OPCML: variants seen among roughly 807,000 people sequenced by gnomAD.
OPCML encodes opioid binding protein/cell adhesion molecule like, also known as opioid-binding protein/cell adhesion molecule.
Under a neutral mutation model 37.8 loss-of-function variants are expected in OPCML, and 13 were observed. That is an observed-to-expected ratio of 0.34 (90% CI 0.22 to 0.55). The LOEUF is 0.55. OPCML is among the 20% of genes least tolerant of loss of function. The pLI is 0.91. For missense variants in OPCML, 341 were observed against 435.6 expected (o/e 0.78, Z 1.93); for synonymous variants, 176 against 168.8 (o/e 1.04, Z -0.33).
chr11:133,140,763 CGAAGAA>C (rs5795825), intron 1 of OPCML, among the ~76,000 whole-genome samples: 5,157 of 48,874 alleles, frequency 0.11, 370 homozygotes, highest in African/African-American at 0.17. Flanking sequence ...AAGAAGACGA[CGAAGAA>C]GAAGAAGAAG....
chr11:132,438,844 TC>T (rs2096022214), intron 4 of OPCML, among the ~76,000 whole-genome samples: 1 of 151,976 alleles, frequency 6.6e-6, no homozygotes, highest in Non-Finnish European at 1.5e-5. Flanking sequence ...CTGCTCCAAG[TC>T]TAAGCCTTGG....
intron 1 of OPCML, among the ~76,000 whole-genome samples, chr11:133,390,419 C>T (rs549049175): frequency 6.0e-4 from 91 of 152,192 alleles, no homozygotes; most frequent in Non-Finnish European, 1.1e-3. Flanking sequence ...GCCGAGATCG[C>T]GCCACTGCAC....
intron 2 of OPCML, among the ~76,000 whole-genome samples, chr11:132,711,155 G>A (rs1273969403): frequency 6.6e-6 from 1 of 152,172 alleles, no homozygotes; most frequent in Non-Finnish European, 1.5e-5. Context: ...AACATCAGAG[G>A]AGTAGCCTAA....
rs1459495314 is a variant in OPCML at position 133,208,524 on chromosome 11, G to A, written c.62-265514C>T. ...AAAGTGCAATGAAGTATGTCAGTAG[G>A]GCATCGTAAATATAATTCCAATGCT... is the stretch of plus-strand genomic sequence containing the variant. On this transcript the variant is annotated intron_variant, in intron 1 of 7. Coordinates refer to ENST00000524381, the MANE Select transcript of OPCML (RefSeq NM_001012393.5). This position sits in a 1 kb window ranked among gnomAD's most constrained non-coding sequence, Gnocchi z 8.9. Among the ~76,000 whole-genome samples, 3 of 152,120 alleles carry A rather than the reference G, an allele frequency of 2.0e-5. No homozygotes were observed. Among genetic ancestry groups the A allele is most frequent in the Non-Finnish European group, 4.4e-5 (3 of 68,032 alleles).
At chr11:132,814,066 T>C (rs1190405984) in intron 2 of OPCML, among the ~76,000 whole-genome samples, 1 of 152,220 alleles carries the variant, frequency 6.6e-6, no homozygotes, top group Non-Finnish European at 1.5e-5. Flanking sequence ...ATGTGTTTAG[T>C]AAATAACTAG....
chr11:132,444,737 C>T (rs1458022550), intron 4 of OPCML, among the ~76,000 whole-genome samples: 1 of 152,100 alleles, frequency 6.6e-6, no homozygotes, highest in Non-Finnish European at 1.5e-5. Flanking sequence ...CCGTCCCCCG[C>T]CCCAACCTCC....
chr11:132,461,904 C>T (rs2096103322), intron 4 of OPCML, among the ~76,000 whole-genome samples: 1 of 152,100 alleles, frequency 6.6e-6, no homozygotes, highest in Non-Finnish European at 1.5e-5. Context: ...ATGAGGGTAA[C>T]CACGCCCATG....
At chr11:133,357,809 G>A (rs1020726312) in intron 1 of OPCML, among the ~76,000 whole-genome samples, 1 of 152,060 alleles carries the variant, frequency 6.6e-6, no homozygotes, top group Non-Finnish European at 1.5e-5. Context: ...CACCTTCTTT[G>A]TACTTCCTCC....
chr11:132,665,809 A>G (rs1002411802), intron 2 of OPCML, among the ~76,000 whole-genome samples: 1 of 152,208 alleles, frequency 6.6e-6, no homozygotes, highest in Non-Finnish European at 1.5e-5. Context: ...AATAAAAATA[A>G]CAACAAAAAA....
intron 2 of OPCML, among the ~76,000 whole-genome samples, chr11:132,715,577 T>A (rs1159401260): frequency 6.6e-6 from 1 of 152,126 alleles, no homozygotes; most frequent in African/African-American, 2.4e-5. Flanking sequence ...TCCTCATGAA[T>A]GGGATTAGTG....
chr11:132,910,251 G>A (rs557462123), intron 2 of OPCML, among the ~76,000 whole-genome samples: 2 of 138,910 alleles, frequency 1.4e-5, no homozygotes, highest in Non-Finnish European at 3.1e-5. Flanking sequence ...GTACAGCAGG[G>A]CTGGGGGTAG....
At chr11:133,528,157 G>A (rs1269828992) in intron 1 of OPCML, among the ~76,000 whole-genome samples, 2 of 152,228 alleles carry the variant, frequency 1.3e-5, no homozygotes, top group Non-Finnish European at 2.9e-5. Flanking sequence ...ATTAATCTCA[G>A]GTTGAGTAGT....
rs182351261 is a variant in OPCML at position 133,055,607 on chromosome 11, A to G, written c.62-112597T>C. On this transcript the variant is annotated intron_variant, in intron 1 of 7. Coordinates refer to ENST00000524381, the MANE Select transcript of OPCML (RefSeq NM_001012393.5). ...ATGAGGGAGCCGCCTCTACCGTACA[A>G]TGCTGCCTCCATGATACTTCCAAGT... Among the ~76,000 whole-genome samples, 381 of 149,496 alleles carry G rather than the reference A, an allele frequency of 2.5e-3. 3 individuals carry two copies. Among genetic ancestry groups the G allele is most frequent in the African/African-American group, 8.8e-3 (352 of 39,996 alleles).
At chr11:132,488,360 A>T (rs2096206347) in intron 4 of OPCML, among the ~76,000 whole-genome samples, 1 of 152,204 alleles carries the variant, frequency 6.6e-6, no homozygotes, top group Non-Finnish European at 1.5e-5. Context: ...ACTTACACAA[A>T]CCTAGATGGT....
intron 3 of OPCML, among the ~76,000 whole-genome samples, chr11:132,609,800 A>G (rs1000106325): frequency 6.6e-6 from 1 of 151,766 alleles, no homozygotes; most frequent in Non-Finnish European, 1.5e-5. Flanking sequence ...TCACCTACCT[A>G]CCTCTCTTCA....
In OPCML at chr11:132,657,079, G is replaced by T; in HGVS notation, c.379+8C>A. The T allele has an allele frequency of 6.2e-7, 1 of 1,613,122 alleles. No homozygotes were observed. The highest frequency in any genetic ancestry group is 8.5e-7 in the Non-Finnish European group (1 of 1,179,238). On this transcript the variant is annotated splice_region_variant and intron_variant, in intron 3 of 7. Transcript: ENST00000524381. ...GGAATGGCAACCCCAGATCCAGCTGGGACTTACCTTGCACTATTAGGTGAA... is the reference window on the plus strand; with the variant it reads ...GGAATGGCAACCCCAGATCCAGCTGTGACTTACCTTGCACTATTAGGTGAA...
chr11:132,675,542 T>G (rs1487837447), intron 2 of OPCML, among the ~76,000 whole-genome samples: 1 of 151,998 alleles, frequency 6.6e-6, no homozygotes, highest in Non-Finnish European at 1.5e-5. Context: ...ATCATAAGGA[T>G]TCCACCAAAA....
chr11:132,958,610 G>T (rs575675187), intron 1 of OPCML, among the ~76,000 whole-genome samples: 2 of 152,148 alleles, frequency 1.3e-5, no homozygotes, highest in Non-Finnish European at 2.9e-5. Context: ...CTGACTCTCC[G>T]GTTAGGAGCT....
intron 2 of OPCML, among the ~76,000 whole-genome samples, chr11:132,941,815 G>T (rs555392460): frequency 6.6e-6 from 1 of 152,308 alleles, no homozygotes; most frequent in African/African-American, 2.4e-5. Context: ...CTTAGAAAAA[G>T]AATTCTGGTG....
Sources: allele counts gnomAD v4.1 joint callset (sites outside exome capture counted in the v4.1 genomes callset), GRCh38; gene constraint gnomAD v4.1.1; non-coding constraint Gnocchi (gnomAD v3.1); transcripts MANE v1.5; gene names NCBI Gene and HGNC (gene_info 2026-07-23, HGNC 2026-07-21).